KCNQ3: variants seen among roughly 807,000 people sequenced by gnomAD.
KCNQ3 encodes the protein potassium voltage-gated channel subfamily KQT member 3.
Under a neutral mutation model 92.5 loss-of-function variants are expected in KCNQ3, and 30 were observed. That is an observed-to-expected ratio of 0.32 (90% CI 0.24 to 0.44). The LOEUF (loss-of-function observed/expected upper bound fraction) is 0.44, where lower values mean the gene tolerates loss of function less well. Among genes scored for constraint, KCNQ3 ranks in the 20% least tolerant of loss-of-function variants. The pLI, the probability that KCNQ3 is intolerant of heterozygous loss-of-function variation, is 1.00. For synonymous variants in KCNQ3, 450 were observed against 468.8 expected (o/e 0.96, Z 0.52); for missense variants, 913 against 1,140.3 (o/e 0.80, Z 2.87).
chr8:132,456,035 G>T (rs559461055), intron 1 of KCNQ3, among the ~76,000 whole-genome samples: 2 of 152,146 alleles, frequency 1.3e-5, no homozygotes, highest in Admixed American at 6.5e-5. Flanking sequence ...ATGAGCCACC[G>T]TGCCCGGCCG....
At chr8:132,358,430 C>T (rs1216369145) in intron 1 of KCNQ3, among the ~76,000 whole-genome samples, 1 of 152,170 alleles carries the variant, frequency 6.6e-6, no homozygotes, top group Non-Finnish European at 1.5e-5. Flanking sequence ...TCCATTCAGC[C>T]ACAGAATATC....
chr8:132,158,022 T>C (rs1033426087), intron 9 of KCNQ3, among the ~76,000 whole-genome samples: 6 of 152,188 alleles, frequency 3.9e-5, no homozygotes, highest in South Asian at 2.1e-4. Flanking sequence ...CCACACCCCA[T>C]TATCCCAAGA....
At chr8:132,284,143 C>A (rs545740477) in intron 1 of KCNQ3, among the ~76,000 whole-genome samples, 3 of 152,254 alleles carry the variant, frequency 2.0e-5, no homozygotes, top group East Asian at 1.9e-4. Flanking sequence ...TGTAACTAAC[C>A]TGCACATTGT....
chr8:132,210,359 C>T (rs974077467), intron 1 of KCNQ3, among the ~76,000 whole-genome samples: 1 of 152,214 alleles, frequency 6.6e-6, no homozygotes, highest in Non-Finnish European at 1.5e-5. Context: ...GCAGTGAGTG[C>T]CTGCCATGGG....
intron 9 of KCNQ3, among the ~76,000 whole-genome samples, chr8:132,162,135 C>T (rs1031117760): frequency 1.3e-5 from 2 of 152,116 alleles, no homozygotes; most frequent in African/African-American, 4.8e-5. Context: ...ATCAGAAGCC[C>T]CTTTTCTAGG....
intron 1 of KCNQ3, among the ~76,000 whole-genome samples, chr8:132,272,304 A>C (rs1816174662): frequency 1.3e-5 from 2 of 152,178 alleles, no homozygotes; most frequent in South Asian, 4.1e-4. Context: ...ATGGCTGTCT[A>C]TGGAGGTGAG....
intron 1 of KCNQ3, among the ~76,000 whole-genome samples, chr8:132,340,574 A>G (rs1818498729): frequency 6.6e-6 from 1 of 152,128 alleles, no homozygotes; most frequent in Admixed American, 6.5e-5. Context: ...GAACACATGG[A>G]CACAAGGAGG....
intron 1 of KCNQ3, among the ~76,000 whole-genome samples, chr8:132,330,929 C>A (rs751285976): frequency 6.6e-6 from 1 of 152,202 alleles, no homozygotes; most frequent in Non-Finnish European, 1.5e-5. Context: ...TGCCCTACAT[C>A]TTCTCCATGA....
At chr8:132,468,054 T>C (rs1289071455) in intron 1 of KCNQ3, among the ~76,000 whole-genome samples, 1 of 152,194 alleles carries the variant, frequency 6.6e-6, no homozygotes, top group Non-Finnish European at 1.5e-5. Context: ...CAAGCGCCTC[T>C]CTCTCTGTGC....
intron 1 of KCNQ3, among the ~76,000 whole-genome samples, chr8:132,216,171 G>C (rs181119445): frequency 1.4e-3 from 217 of 152,206 alleles, no homozygotes; most frequent in African/African-American, 4.9e-3. Context: ...AGAATAAAGG[G>C]CCAAACCACA....
chr8:132,345,165 G>C (rs1818648861), intron 1 of KCNQ3, among the ~76,000 whole-genome samples: 1 of 152,146 alleles, frequency 6.6e-6, no homozygotes, highest in Non-Finnish European at 1.5e-5. Context: ...GAATAATATT[G>C]ATTCACAAGT....
At position 132,129,046 on chromosome 8, in the gene KCNQ3, T is replaced by TAA; in HGVS notation, c.*214_*215dup. 1.7e-6 allele frequency: 1 copy of TAA among 602,336 alleles called. No individual in the cohort carries two copies. Among genetic ancestry groups the TAA allele is most frequent in the South Asian group, 2.0e-5 (1 of 50,274 alleles). The allele number at this position is 602,336 out of a possible 1,614,324, so 37.3% of individuals were successfully genotyped here. On this transcript the variant is annotated 3_prime_UTR_variant, in exon 15 of 15. Transcript: ENST00000388996. This position sits in a 1 kb window ranked among gnomAD's most constrained non-coding sequence, Gnocchi z 5.9. ...GATTAGCGGAACCATTTATATAGTG[T>TAA]AAAGTCATGCAAACCATGCTGAAAA... is the stretch of plus-strand genomic sequence containing the variant.
intron 1 of KCNQ3, among the ~76,000 whole-genome samples, chr8:132,210,035 C>T (rs16904627): frequency 0.079 from 12,101 of 152,236 alleles, 669 homozygotes; most frequent in African/African-American, 0.14. Context: ...ATGACTTAGA[C>T]TTCCTGGGCA....
chr8:132,237,018 G>A lies in KCNQ3; in HGVS notation c.387-50837C>T, dbSNP rs75086213. ...CTCGGAAGAGGATGCCGAGATTGAG[G>A]TGAGAATGCAGCCTAGCTAACACCT... On this transcript the variant is annotated intron_variant, in intron 1 of 14. Coordinates refer to ENST00000388996, the MANE Select transcript of KCNQ3 (RefSeq NM_004519.4). Among the ~76,000 whole-genome samples, 723 of 152,296 alleles carry A rather than the reference G, an allele frequency of 4.7e-3. 7 individuals are homozygous for A. Among genetic ancestry groups the A allele is most frequent in the African/African-American group, 0.017 (700 of 41,570 alleles).
intron 9 of KCNQ3, among the ~76,000 whole-genome samples, chr8:132,147,620 A>G (rs575749473): frequency 3.3e-5 from 5 of 152,298 alleles, no homozygotes; most frequent in Admixed American, 3.3e-4. Flanking sequence ...GGATAAATAA[A>G]TGGATGATAG....
At chr8:132,286,059 G>A (rs536914560) in intron 1 of KCNQ3, among the ~76,000 whole-genome samples, 1 of 152,304 alleles carries the variant, frequency 6.6e-6, no homozygotes, top group South Asian at 2.1e-4. Context: ...TAGATTTCAA[G>A]GGATGTTACA....
rs574851460 is a variant in KCNQ3, at chr8:132,379,625, C to A, written c.386+100522G>T. Among the ~76,000 whole-genome samples the A allele has an allele frequency of 2.9e-4, 44 of 152,244 alleles. No homozygotes were observed. In the South Asian group the frequency reaches 8.5e-3, roughly 29 times the overall value. On this transcript the variant is annotated intron_variant, in intron 1 of 14. Transcript: ENST00000388996. The stretch of plus-strand genomic sequence containing the variant: ...CTAATTATCCTGATTCCTAAATATG[C>A]AAAATAATAATATTCCCCAATTGCC...
At chr8:132,201,364 C>A (rs1268446033) in intron 1 of KCNQ3, among the ~76,000 whole-genome samples, 1 of 152,106 alleles carries the variant, frequency 6.6e-6, no homozygotes, top group Non-Finnish European at 1.5e-5. Flanking sequence ...ACTATCAACT[C>A]AAAAATCCAA....
intron 1 of KCNQ3, among the ~76,000 whole-genome samples, chr8:132,410,772 C>T (rs563392564): frequency 1.7e-4 from 26 of 152,328 alleles, no homozygotes; most frequent in South Asian, 1.2e-3. Context: ...TGTCATTACA[C>T]GATAACTCTG....
Sources: allele counts gnomAD v4.1 joint callset (sites outside exome capture counted in the v4.1 genomes callset), GRCh38; gene constraint gnomAD v4.1.1; non-coding constraint Gnocchi (gnomAD v3.1); transcripts MANE v1.5; gene names NCBI Gene and HGNC (gene_info 2026-07-23, HGNC 2026-07-21).